Variants in CPED1 observed in about 807,000 individuals in gnomAD.
CPED1 encodes cadherin-like and PC-esterase domain-containing protein 1.
Under a neutral mutation model 128.2 loss-of-function variants are expected in CPED1, and 114 were observed. The ratio of observed to expected loss-of-function variants is 0.89; its 90% CI spans 0.76 to 1.04. The LOEUF (loss-of-function observed/expected upper bound fraction) is 1.04. Ranked by LOEUF, CPED1 falls within the 50% of genes least tolerant of loss-of-function variation. CPED1 has a pLI of 0.00. For missense variants in CPED1, 1,211 were observed against 1,207.1 expected (o/e 1.00, Z -0.05); for synonymous variants, 462 against 426.7 (o/e 1.08, Z -1.02).
At chr7:120,998,288 G>A (rs898082207) in intron 2 of CPED1, among the ~76,000 whole-genome samples, 1 of 152,146 alleles carries the variant, frequency 6.6e-6, no homozygotes, top group Non-Finnish European at 1.5e-5. Flanking sequence ...ATTTGGGAAG[G>A]CAGAATAGTT....
At position 121,164,449 on chromosome 7, in the gene CPED1, G is replaced by T. The variant is rs537347968; in HGVS notation, c.2055+22308G>T. Among the ~76,000 whole-genome samples the T allele has an allele frequency of 3.3e-5, 5 of 152,244 alleles. No homozygotes were observed. In the East Asian group the frequency reaches 7.7e-4, roughly 24 times the overall value. ...TGTCACTGCTTTTCCTCATCCTAGT[G>T]ATTCTCAAGCTTAAGCATGCATTGA... On this transcript the variant is annotated intron_variant, in intron 16 of 22. Transcript: ENST00000310396.
intron 4 of CPED1, 28 bp from the exon 5 acceptor site, chr7:121,064,210 T>C: frequency 6.7e-7 from 1 of 1,486,052 alleles, no homozygotes; most frequent in African/African-American, 1.4e-5. Context: ...AATGCCTCAC[T>C]CACTAGAATC....
chr7:121,237,301 T>C (rs1432153345), intron 17 of CPED1, among the ~76,000 whole-genome samples: 1 of 152,138 alleles, frequency 6.6e-6, no homozygotes, highest in Non-Finnish European at 1.5e-5. Context: ...AATTTGTACA[T>C]AGTAGTTAGA....
At chr7:121,047,646 TTTC>T (rs201842531) in intron 4 of CPED1, among the ~76,000 whole-genome samples, 2,846 of 122,784 alleles carry the variant, frequency 0.023, 60 homozygotes, top group Non-Finnish European at 0.03. Flanking sequence ...AGATAGCACC[TTTC>T]TTCTTCTTCT....
intron 3 of CPED1, among the ~76,000 whole-genome samples, chr7:121,024,785 A>G (rs1436215799): frequency 6.6e-6 from 1 of 152,128 alleles, no homozygotes; most frequent in African/African-American, 2.4e-5. Flanking sequence ...TTAATTTGTA[A>G]AAACACATAA....
chr7:121,093,313 A>G (rs1227036320), intron 5 of CPED1, among the ~76,000 whole-genome samples: 1 of 151,872 alleles, frequency 6.6e-6, no homozygotes, highest in Admixed American at 6.6e-5. Flanking sequence ...AGGCAGTTTT[A>G]TGTGGCTCAA....
At chr7:121,255,249 T>G (rs1317069050) in intron 18 of CPED1, among the ~76,000 whole-genome samples, 3 of 152,078 alleles carry the variant, frequency 2.0e-5, no homozygotes, top group African/African-American at 7.2e-5. Context: ...GGAAGGCTGA[T>G]TCAATGTATG....
At chr7:121,227,841 T>A (rs929630150) in intron 16 of CPED1, among the ~76,000 whole-genome samples, 2 of 152,088 alleles carry the variant, frequency 1.3e-5, no homozygotes, top group African/African-American at 4.8e-5. Context: ...CTTGAGGAGC[T>A]TGACAAATCT....
intron 5 of CPED1, 68 bp from the exon 6 acceptor site, chr7:121,097,631 C>A: frequency 6.4e-7 from 1 of 1,566,792 alleles, no homozygotes; most frequent in Non-Finnish European, 8.7e-7. Context: ...ACAGCATACT[C>A]TATTTTCAAA....
rs1734917769 is a variant in CPED1 at position 120,989,707 on chromosome 7, T to C, written c.86T>C (p.Phe29Ser). The C allele has an allele frequency of 1.2e-6, 2 of 1,613,860 alleles. No individual in the cohort carries two copies. The highest frequency in any genetic ancestry group is 1.1e-5 in the South Asian group (1 of 91,046). The change falls in exon 2 of 23, where the codon TTC becomes TCC. Residue 29 changes from phenylalanine to serine, a missense_variant. By Grantham distance (155) the Phe-to-Ser change is radical. Coordinates refer to ENST00000310396, the MANE Select transcript of CPED1 (RefSeq NM_024913.5). ...GGCTTAGTGGTGGCAATCTGTCTCT[T>C]CTACCAGACTCTGACCCTCCGAGGG... ...LVGLVVAICL[F>S]YQTLTLRGSR...
intron 22 of CPED1, among the ~76,000 whole-genome samples, chr7:121,285,910 C>G (rs530647652): frequency 6.6e-6 from 1 of 152,180 alleles, no homozygotes; most frequent in Non-Finnish European, 1.5e-5. Flanking sequence ...GATATCTTTA[C>G]AGCAGTCCCC....
chr7:121,178,922 G>A (rs1337503917), intron 16 of CPED1, among the ~76,000 whole-genome samples: 6 of 152,018 alleles, frequency 3.9e-5, no homozygotes, highest in African/African-American at 4.8e-5. Context: ...GTGAAGCCAG[G>A]TGAGACTACC....
At chr7:121,049,841 C>T (rs984235349) in intron 4 of CPED1, among the ~76,000 whole-genome samples, 4 of 152,114 alleles carry the variant, frequency 2.6e-5, no homozygotes, top group South Asian at 2.1e-4. Context: ...TAATATTTGG[C>T]GATGTCTAGA....
intron 6 of CPED1, among the ~76,000 whole-genome samples, chr7:121,098,970 C>T (rs1475991473): frequency 6.6e-6 from 1 of 150,648 alleles, no homozygotes; most frequent in Non-Finnish European, 1.5e-5. Context: ...TGTTTCATTA[C>T]AAAATATTAA....
At chr7:121,131,861 G>C (rs894470129) in intron 12 of CPED1, among the ~76,000 whole-genome samples, 1 of 151,600 alleles carries the variant, frequency 6.6e-6, no homozygotes, top group Non-Finnish European at 1.5e-5. Flanking sequence ...TTGCTACATA[G>C]CATCTGATAC....
chr7:121,024,342 T>C (rs2116839250), intron 3 of CPED1, among the ~76,000 whole-genome samples: 1 of 152,300 alleles, frequency 6.6e-6, no homozygotes, highest in East Asian at 1.9e-4. Context: ...CCCTTCGCTG[T>C]GCACAGAGAA....
At chr7:121,016,354 T>C (rs960431564) in intron 3 of CPED1, among the ~76,000 whole-genome samples, 2 of 152,200 alleles carry the variant, frequency 1.3e-5, no homozygotes, top group African/African-American at 4.8e-5. Flanking sequence ...AGACAAGTTT[T>C]TAAACAAGTT....
intron 7 of CPED1, among the ~76,000 whole-genome samples, chr7:121,123,427 A>G (rs1316324359): frequency 1.3e-5 from 2 of 152,190 alleles, no homozygotes; most frequent in Non-Finnish European, 2.9e-5. Context: ...AAAAAACATT[A>G]ATAGAATACC....
At chr7:121,206,404 A>G (rs1264677204) in intron 16 of CPED1, among the ~76,000 whole-genome samples, 2 of 151,800 alleles carry the variant, frequency 1.3e-5, no homozygotes, top group Non-Finnish European at 2.9e-5. Context: ...ATTAGAATAT[A>G]GTTTTCTTTA....
Sources: gnomAD v4.1 joint callset for allele counts (sites outside exome capture counted in the v4.1 genomes callset) on GRCh38, gnomAD v4.1.1 for gene constraint, MANE v1.5 for transcripts, NCBI Gene and HGNC (gene_info 2026-07-23, HGNC 2026-07-21) for gene names.